The following ASIC2 variants were observed in gnomAD, a reference collection of about 807,000 sequenced individuals.
The protein encoded by ASIC2 is acid sensing ion channel subunit 2.
Under a neutral mutation model 57.3 loss-of-function variants are expected in ASIC2, and 25 were observed. That is an observed-to-expected ratio of 0.44 (90% CI 0.32 to 0.61). ASIC2 has a LOEUF of 0.61. Ranked by LOEUF, ASIC2 falls within the 20% of genes least tolerant of loss-of-function variation. ASIC2 has a pLI of 0.06. For missense variants in ASIC2, 641 were observed against 738.1 expected, an observed-to-expected ratio of 0.87 and a Z score of 1.52; for synonymous variants, 319 against 307.5, an observed-to-expected ratio of 1.04 and a Z score of -0.39.
chr17:33,665,355 G>A (rs533971583), intron 1 of ASIC2, among the ~76,000 whole-genome samples: 1 of 152,084 alleles, frequency 6.6e-6, no homozygotes, highest in East Asian at 1.9e-4. Flanking sequence ...CAATGGCACC[G>A]TGATGTAAAG....
At chr17:34,142,890 C>T (rs1470096614) in intron 1 of ASIC2, 1 of 152,122 alleles carries the variant, frequency 6.6e-6, no homozygotes, top group East Asian at 1.9e-4. Flanking sequence ...ATGTGAGACC[C>T]CTGAGCCCAC....
At chr17:33,992,631 C>A (rs1022878692) in intron 1 of ASIC2, among the ~76,000 whole-genome samples, 1 of 152,230 alleles carries the variant, frequency 6.6e-6, no homozygotes, top group Non-Finnish European at 1.5e-5. Context: ...CTTCCAAACC[C>A]TGAGTTCAGT....
At chr17:33,464,708 T>C (rs1221030178) in intron 1 of ASIC2, among the ~76,000 whole-genome samples, 2 of 148,854 alleles carry the variant, frequency 1.3e-5, no homozygotes, top group African/African-American at 5.0e-5. Context: ...TATATATGTA[T>C]ATATATGTAT....
chr17:33,111,329 T>C (rs184213522), intron 2 of ASIC2, among the ~76,000 whole-genome samples: 453 of 152,344 alleles, frequency 3.0e-3, no homozygotes, highest in Non-Finnish European at 3.5e-3. Flanking sequence ...TGAGATAGTA[T>C]ACATGGTTTA....
chr17:34,030,824 GC>G (rs1174873296), intron 1 of ASIC2, among the ~76,000 whole-genome samples: 7 of 152,208 alleles, frequency 4.6e-5, no homozygotes, highest in Non-Finnish European at 8.8e-5. Context: ...ACCCGCAATT[GC>G]CCAGTTAGTT....
In ASIC2 at chr17:33,932,890, G is replaced by A. The variant is rs542289027; in HGVS notation, c.555+223088C>T. On this transcript the variant is annotated intron_variant, in intron 1 of 9. Transcript: ENST00000359872. ...TCCTAGAAGCATTTTAGACTGCAGA[G>A]GTTTAGAGATTTACAGCTGAGACTC... Among the ~76,000 whole-genome samples, 694 of 151,770 alleles carry A rather than the reference G, an allele frequency of 4.6e-3. 3 individuals are homozygous for A. Among genetic ancestry groups the A allele is most frequent in the Middle Eastern group, 0.034 (10 of 294 alleles).
intron 1 of ASIC2, among the ~76,000 whole-genome samples, chr17:33,321,947 G>A (rs2142216300): frequency 6.6e-6 from 1 of 152,276 alleles, no homozygotes; most frequent in South Asian, 2.1e-4. Context: ...GAACAGTGGT[G>A]GTAACATCCA....
At chr17:34,024,757 A>G (rs114596677) in intron 1 of ASIC2, among the ~76,000 whole-genome samples, 1,611 of 152,246 alleles carry the variant, frequency 0.011, 22 homozygotes, top group African/African-American at 0.037. Context: ...GTCCCTCTCC[A>G]TCCTGCAGGA....
At chr17:33,720,184 A>G (rs1909344614) in intron 1 of ASIC2, among the ~76,000 whole-genome samples, 1 of 152,208 alleles carries the variant, frequency 6.6e-6, no homozygotes, top group African/African-American at 2.4e-5. Flanking sequence ...CTGCCAAGGG[A>G]GACTTTTAGA....
intron 1 of ASIC2, among the ~76,000 whole-genome samples, chr17:33,220,832 C>A (rs894695442): frequency 3.3e-5 from 5 of 152,080 alleles, no homozygotes; most frequent in Non-Finnish European, 5.9e-5. Flanking sequence ...CTTTGGGGGG[C>A]CGAGGCGGGA....
intron 1 of ASIC2, among the ~76,000 whole-genome samples, chr17:34,123,855 G>A (rs1045571716): frequency 5.3e-5 from 8 of 152,166 alleles, no homozygotes; most frequent in African/African-American, 1.9e-4. Flanking sequence ...GTTGAGGTGG[G>A]CAGATCACTT....
intron 1 of ASIC2, among the ~76,000 whole-genome samples, chr17:33,283,474 A>G (rs963899970): frequency 3.3e-5 from 5 of 152,196 alleles, no homozygotes; most frequent in African/African-American, 9.6e-5. Context: ...AGCCCCCTTA[A>G]GGACTTTGCA....
intron 1 of ASIC2, among the ~76,000 whole-genome samples, chr17:33,129,159 C>T (rs1016184885): frequency 1.3e-5 from 2 of 152,174 alleles, no homozygotes; most frequent in Admixed American, 1.3e-4. Flanking sequence ...GTGGCCCTGC[C>T]CTATAGAGCC....
At chr17:33,066,257 G>T (rs2092043024) in intron 3 of ASIC2, among the ~76,000 whole-genome samples, 1 of 152,144 alleles carries the variant, frequency 6.6e-6, no homozygotes, top group African/African-American at 2.4e-5. Context: ...ACACATCTGG[G>T]TGAAGACTTT....
At chr17:33,900,818 G>T (rs1449152228) in intron 1 of ASIC2, among the ~76,000 whole-genome samples, 2 of 152,206 alleles carry the variant, frequency 1.3e-5, no homozygotes, top group African/African-American at 4.8e-5. Flanking sequence ...GTGAGCCACA[G>T]TGGACTTCCA....
intron 2 of ASIC2, among the ~76,000 whole-genome samples, chr17:33,091,739 AG>A (rs2092158375): frequency 6.6e-6 from 1 of 152,160 alleles, no homozygotes; most frequent in South Asian, 2.1e-4. Flanking sequence ...AAAAACATCC[AG>A]TGGCTGGATG....
At chr17:33,669,010 G>T (rs1252249272) in intron 1 of ASIC2, among the ~76,000 whole-genome samples, 1 of 152,200 alleles carries the variant, frequency 6.6e-6, no homozygotes, top group Non-Finnish European at 1.5e-5. Flanking sequence ...GCCGCCAGGA[G>T]GAAGTAGCCC....
At chr17:33,558,645 A>G (rs1471671377) in intron 1 of ASIC2, among the ~76,000 whole-genome samples, 2 of 152,206 alleles carry the variant, frequency 1.3e-5, no homozygotes, top group South Asian at 4.1e-4. Flanking sequence ...TGTGAACCAT[A>G]TGGCCTCTGT....
intron 1 of ASIC2, among the ~76,000 whole-genome samples, chr17:33,651,554 A>G (rs1262210317): frequency 1.3e-5 from 2 of 152,224 alleles, no homozygotes; most frequent in African/African-American, 4.8e-5. Flanking sequence ...CTGGAATGAC[A>G]CTTCCTCTAG....
Sources: allele counts gnomAD v4.1 joint callset (sites outside exome capture counted in the v4.1 genomes callset), GRCh38; gene constraint gnomAD v4.1.1; transcripts MANE v1.5; gene names NCBI Gene and HGNC (gene_info 2026-07-23, HGNC 2026-07-21).